The following MPP2 variants were observed in gnomAD, a reference collection of about 807,000 sequenced individuals.
MPP2 encodes the protein MAGUK p55 scaffold protein 2, also known as MAGUK p55 subfamily member 2.
A neutral mutation model predicts 58.5 loss-of-function variants in MPP2; 42 were observed. The observed-to-expected ratio is 0.72, with a 90% CI of 0.56 to 0.93. MPP2 has a LOEUF of 0.93. MPP2 is among the 40% of genes least tolerant of loss of function. MPP2 has a pLI of 0.00. For synonymous variants in MPP2, 300 were observed against 307.8 expected, an observed-to-expected ratio of 0.97 and a Z score of 0.26; for missense variants, 632 against 760.4, an observed-to-expected ratio of 0.83 and a Z score of 1.99.
intron 3 of MPP2, among the ~76,000 whole-genome samples, chr17:43,894,479 TG>T (rs1200281494): frequency 7.4e-6 from 1 of 135,792 alleles, no homozygotes. Context: ...TAGCCGGGCA[TG>T]GTGGTGCATG....
At chr17:43,908,013 T>A (rs1371528140), upstream of MPP2, 1 of 978,768 alleles carries the variant, frequency 1.0e-6, no homozygotes, top group Admixed American at 6.2e-5. Flanking sequence ...CAGGGGCAGC[T>A]TTTTAAGGAC....
rs966831398 is a variant in MPP2, at chr17:43,880,905, G to A, written c.989-53C>T. 72 of 1,565,512 alleles carry A rather than the reference G, an allele frequency of 4.6e-5. No homozygotes were observed. The highest frequency in any genetic ancestry group is 2.7e-4 in the East Asian group (12 of 44,464). Reference sequence around the variant, plus strand: ...CCAGGCTGCACGGTGAGGGAGGGGCGGAGCTCTCAGGGAGGCTGAGGGCAA... The same window carrying A: ...CCAGGCTGCACGGTGAGGGAGGGGCAGAGCTCTCAGGGAGGCTGAGGGCAA... On this transcript the variant is annotated intron_variant, in intron 9 of 12. Transcript: ENST00000269095. This position sits in a 1 kb window ranked among gnomAD's most constrained non-coding sequence, Gnocchi z 5.2.
chr17:43,889,805 G>GTTTTGTTT (rs2047524047), intron 3 of MPP2, among the ~76,000 whole-genome samples: 2 of 37,920 alleles, frequency 5.3e-5, no homozygotes, highest in African/African-American at 1.4e-4. Flanking sequence ...GTCCAAATGC[G>GTTTTGTTT]TTTTTTTTTT....
chr17:43,896,202 A>G (rs2047839534), intron 3 of MPP2, among the ~76,000 whole-genome samples: 1 of 151,924 alleles, frequency 6.6e-6, no homozygotes, highest in African/African-American at 2.4e-5. Context: ...ACCACCATGC[A>G]CTGAAAACCC....
chr17:43,889,717 T>C (rs1461200243), intron 3 of MPP2, among the ~76,000 whole-genome samples: 3 of 151,418 alleles, frequency 2.0e-5, no homozygotes, highest in South Asian at 2.1e-4. Context: ...AGTTAAAGAG[T>C]TGTAATGTGT....
At chr17:43,885,985 G>A (rs1043803102) in intron 3 of MPP2, among the ~76,000 whole-genome samples, 3 of 151,904 alleles carry the variant, frequency 2.0e-5, no homozygotes, top group African/African-American at 4.8e-5. Flanking sequence ...GCACATGCCT[G>A]TAATCCCAGC....
At chr17:43,884,267 G>A in intron 3 of MPP2, 1 of 593,280 alleles carries the variant, frequency 1.7e-6, no homozygotes, top group Non-Finnish European at 3.0e-6. Flanking sequence ...TCTGATTCAG[G>A]ATCTAATTGA....
intron 3 of MPP2, among the ~76,000 whole-genome samples, chr17:43,894,444 T>TATATATATATATATATATATATAC (rs1437854675): frequency 4.9e-5 from 4 of 81,268 alleles, no homozygotes; most frequent in Admixed American, 3.3e-4. Context: ...TATATATATA[T>TATATATATATATATATATATATAC]ACACACACAC....
At chr17:43,900,624 T>G (rs2048054693) in intron 2 of MPP2, 1 of 1,461,262 alleles carries the variant, frequency 6.8e-7, no homozygotes, top group Non-Finnish European at 9.1e-7. Flanking sequence ...AGCCAAAGCC[T>G]GGCCGGGCTG....
At chr17:43,900,350 T>A in intron 2 of MPP2, 1 of 1,146,868 alleles carries the variant, frequency 8.7e-7, no homozygotes, top group Non-Finnish European at 1.2e-6. Flanking sequence ...AGGACAGCTC[T>A]CCTGAAGGTG....
In MPP2 at chr17:43,880,901, G is replaced by A. The variant is rs1380514321; in HGVS notation, c.989-49C>T. 1 of 1,567,938 alleles carries A rather than the reference G, an allele frequency of 6.4e-7. No individual in the cohort carries two copies. Among genetic ancestry groups the A allele is most frequent in the East Asian group, 2.2e-5 (1 of 44,458 alleles). On this transcript the variant is annotated intron_variant, in intron 9 of 12. Transcript: ENST00000269095. The surrounding 1 kb of genome is among the most constrained non-coding windows in gnomAD (Gnocchi z 5.2). The stretch of plus-strand genomic sequence containing the variant: ...CTCACCAGGCTGCACGGTGAGGGAG[G>A]GGCGGAGCTCTCAGGGAGGCTGAGG...
intron 3 of MPP2, among the ~76,000 whole-genome samples, chr17:43,884,458 G>C (rs1440649643): frequency 6.6e-6 from 1 of 152,160 alleles, no homozygotes; most frequent in Admixed American, 6.5e-5. Context: ...GGCTTCAAGT[G>C]ATCCTCCTGC....
In MPP2 at chr17:43,898,324, C is replaced by G; in HGVS notation, c.88G>C (p.Glu30Gln). The G allele has an allele frequency of 6.2e-7, 1 of 1,614,222 alleles. No homozygotes were observed. Among genetic ancestry groups the G allele is most frequent in the Non-Finnish European group, 8.5e-7 (1 of 1,180,036 alleles). The change falls in exon 3 of 13, where the codon GAG (glutamate) becomes CAG (glutamine). Residue 30 changes from glutamate to glutamine, a missense_variant. By Grantham distance (29) the Glu-to-Gln change is conservative. Coordinates refer to ENST00000269095, the MANE Select transcript of MPP2 (RefSeq NM_005374.5). The part of the protein sequence containing the change: ...GSLPSATGAA[E>Q]LDLIFLRGIM... Reference sequence around the variant, plus strand: ...CCTCGAAGGAAGATCAGGTCCAGCTCTGCAGCCCCCGTGGCACTGGGGAGG... The same window carrying G: ...CCTCGAAGGAAGATCAGGTCCAGCTGTGCAGCCCCCGTGGCACTGGGGAGG...
At chr17:43,885,203 T>C (rs747542729) in intron 3 of MPP2, among the ~76,000 whole-genome samples, 7 of 152,118 alleles carry the variant, frequency 4.6e-5, no homozygotes, top group Non-Finnish European at 7.3e-5. Flanking sequence ...TCTCTCATGA[T>C]ATCACTATGA....
At chr17:43,892,771 G>T (rs187310708) in intron 3 of MPP2, among the ~76,000 whole-genome samples, 27 of 152,300 alleles carry the variant, frequency 1.8e-4, no homozygotes, top group Admixed American at 1.5e-3. Context: ...CGCCAAAAAC[G>T]TTTCCAGAGA....
intron 5 of MPP2, 62 bp from the exon 6 acceptor site, chr17:43,882,573 G>A: frequency 6.7e-7 from 1 of 1,496,538 alleles, no homozygotes; most frequent in Non-Finnish European, 9.1e-7. Flanking sequence ...TCTTCAAATA[G>A]TCTCCTAATA....
intron 2 of MPP2, among the ~76,000 whole-genome samples, chr17:43,902,357 G>A (rs1000838242): frequency 1.3e-5 from 2 of 151,960 alleles, no homozygotes; most frequent in Admixed American, 6.6e-5. Flanking sequence ...CTCCTCCTAC[G>A]CCCCAGTCAG....
intron 5 of MPP2, 108 bp from the exon 6 acceptor site, chr17:43,882,619 C>A: frequency 3.8e-6 from 4 of 1,063,388 alleles, no homozygotes; most frequent in Non-Finnish European, 5.4e-6. Flanking sequence ...CCCACCCCCA[C>A]CCTCACAAAG....
intron 2 of MPP2, chr17:43,901,429 G>C: frequency 1.0e-6 from 1 of 985,496 alleles, no homozygotes; most frequent in Non-Finnish European, 1.2e-6. Context: ...TGCACACAGG[G>C]AAAAGTGTGG....
Sources: gnomAD v4.1 joint callset for allele counts (sites outside exome capture counted in the v4.1 genomes callset) on GRCh38, gnomAD v4.1.1 for gene constraint, Gnocchi (gnomAD v3.1) non-coding constraint, MANE v1.5 for transcripts, NCBI Gene and HGNC (gene_info 2026-07-23, HGNC 2026-07-21) for gene names.